Variants in RARG observed in about 807,000 individuals in gnomAD.
RARG encodes retinoic acid receptor gamma.
Under a neutral mutation model 43.7 loss-of-function variants are expected in RARG, and 17 were observed. That is an observed-to-expected ratio of 0.39 (90% CI 0.27 to 0.58). RARG has a LOEUF of 0.58. RARG is among the 20% of genes least tolerant of loss of function. The probability of loss-of-function intolerance (pLI) is 0.57; values close to 1 mark genes in which losing one functional copy is unlikely to be tolerated. For synonymous variants in RARG, 238 were observed against 236.4 expected, an observed-to-expected ratio of 1.01 and a Z score of -0.06; for missense variants, 346 against 598.7, an observed-to-expected ratio of 0.58 and a Z score of 4.40.
chr12:53,229,937 A>G (rs1434409666), intron 2 of RARG: 4 of 972,746 alleles, frequency 4.1e-6, no homozygotes, highest in Admixed American at 1.2e-4. Context: ...ATGTGAGCCA[A>G]TGAGAGTTGT....
intron 3 of RARG, among the ~76,000 whole-genome samples, chr12:53,221,205 G>C (rs948131214): frequency 1.8e-5 from 2 of 112,604 alleles, no homozygotes; most frequent in African/African-American, 3.4e-5. Flanking sequence ...CTCCTAGCCC[G>C]AGCAGTCCGC....
intron 6 of RARG, 79 bp downstream of exon 6, chr12:53,214,367 G>A: frequency 6.4e-7 from 1 of 1,560,166 alleles, no homozygotes; most frequent in Non-Finnish European, 8.8e-7. Context: ...ACCAGTCGAT[G>A]ATAGCCTCCA....
chr12:53,221,816 C>T (rs1334831657), intron 3 of RARG, among the ~76,000 whole-genome samples: 5 of 151,586 alleles, frequency 3.3e-5, no homozygotes, highest in Admixed American at 1.3e-4. Context: ...ACACGGGCAG[C>T]GCCGCGGAGC....
chr12:53,211,650 C>G lies in RARG; in HGVS notation c.*26G>C, dbSNP rs1249865363. The G allele has an allele frequency of 9.1e-6, 13 of 1,432,840 alleles. No individual in the cohort carries two copies. Among genetic ancestry groups the G allele is most frequent in the Non-Finnish European group, 1.2e-5 (13 of 1,092,996 alleles). The allele number at this position is 1,432,840 out of a possible 1,614,324, so 88.8% of individuals were successfully genotyped here. On this transcript the variant is annotated 3_prime_UTR_variant, in exon 10 of 10. Coordinates refer to ENST00000425354, the MANE Select transcript of RARG (RefSeq NM_000966.6). The surrounding 1 kb of genome is among the most constrained non-coding windows in gnomAD (Gnocchi z 4.6). ...GTCTGCTGCCTGAAGCCCCAACCCCCACAGCGGGGAGGTCAGGGGCCCTGG... is the reference window on the plus strand; with the variant it reads ...GTCTGCTGCCTGAAGCCCCAACCCCGACAGCGGGGAGGTCAGGGGCCCTGG...
At chr12:53,218,768 G>C (rs1942851507) in intron 3 of RARG, among the ~76,000 whole-genome samples, 1 of 151,718 alleles carries the variant, frequency 6.6e-6, no homozygotes, top group Non-Finnish European at 1.5e-5. Flanking sequence ...GTGACCTGGC[G>C]TGCGCACTCC....
intron 3 of RARG, among the ~76,000 whole-genome samples, chr12:53,225,581 G>A (rs955826639): frequency 5.9e-5 from 9 of 152,200 alleles, no homozygotes; most frequent in African/African-American, 9.7e-5. Context: ...CTCTGCGCTC[G>A]TGGAGCCATG....
chr12:53,213,475 C>CTG lies in RARG; in HGVS notation c.1018+20_1018+21insCA, dbSNP rs1942668921. 1.2e-6 allele frequency: 2 copies of CTG among 1,610,978 alleles called. No individual in the cohort carries two copies. The highest frequency in any genetic ancestry group is 2.2e-5 in the South Asian group (2 of 91,056). On this transcript the variant is annotated intron_variant, in intron 8 of 9. Coordinates refer to ENST00000425354, the MANE Select transcript of RARG (RefSeq NM_000966.6). The surrounding 1 kb of genome is among the most constrained non-coding windows in gnomAD (Gnocchi z 4.7). ...GAAAGGAGACTGAGCACTGAGCAGA[C>CTG]GCCAGGGGGCGCCCCCGCACCTCCG... is the stretch of plus-strand genomic sequence containing the variant.
rs1414764590 is a variant in RARG at position 53,231,211 on chromosome 12, G to C, written c.-185C>G. On this transcript the variant is annotated 5_prime_UTR_variant, in exon 2 of 10. Coordinates refer to ENST00000425354, the MANE Select transcript of RARG (RefSeq NM_000966.6). ...AGACTGGCTTCTACATACTGGGTCA[G>C]GTTGAGGGAACTGGGCCGTAGCTGC... 6.6e-6 allele frequency: 1 copy of C among 152,316 alleles called. No individual in the cohort carries two copies. Among genetic ancestry groups the C allele is most frequent in the Non-Finnish European group, 1.5e-5 (1 of 68,108 alleles). The allele number at this position is 152,316 out of a possible 1,614,324, so 9.4% of individuals were successfully genotyped here.
rs141642280 is a variant in RARG, at chr12:53,227,428, C to T, written c.118G>A (p.Glu40Lys). 13 of 1,609,234 alleles carry T rather than the reference C, an allele frequency of 8.1e-6. No homozygotes were observed. The highest frequency in any genetic ancestry group is 2.2e-5 in the South Asian group (2 of 90,164). ...PGALRGSPPF[E>K]MLSPSFRGLG... is the part of the protein sequence containing the mutation. Reference sequence around the variant, plus strand: ...CCCCGGAAGCTAGGGCTCAGCATCTCGAAAGGCGGAGACCCCCTGAGTGCC... The same window carrying T: ...CCCCGGAAGCTAGGGCTCAGCATCTTGAAAGGCGGAGACCCCCTGAGTGCC... Residue 40 changes from glutamate (E) to lysine (K), a missense_variant, in exon 3 of 10, where the codon GAG becomes AAG. Glu to Lys is a moderately conservative substitution (Grantham distance 56). Coordinates refer to ENST00000425354, the MANE Select transcript of RARG (RefSeq NM_000966.6). The surrounding 1 kb of genome is among the most constrained non-coding windows in gnomAD (Gnocchi z 4.3).
At chr12:53,223,474 G>C (rs1345870386) in intron 3 of RARG, among the ~76,000 whole-genome samples, 3 of 151,476 alleles carry the variant, frequency 2.0e-5, no homozygotes, top group African/African-American at 2.4e-5. Flanking sequence ...GGCCAGGAGA[G>C]GGGGGTGCAG....
At chr12:53,229,537 G>A (rs866308204) in intron 2 of RARG, among the ~76,000 whole-genome samples, 2 of 152,164 alleles carry the variant, frequency 1.3e-5, no homozygotes, top group South Asian at 4.1e-4. Flanking sequence ...CTTTAGCCCA[G>A]TGTCTTCGCA....
In RARG at chr12:53,214,591, C is replaced by T. The variant is rs199861731; in HGVS notation, c.491G>A (p.Arg164Gln). The change falls in exon 6 of 10, where the codon CGG (arginine) becomes CAG (glutamine). Residue 164 changes from arginine to glutamine, a missense_variant. By Grantham distance (43) the Arg-to-Gln change is conservative. Transcript: ENST00000425354. ...GMSKEAVRND[R>Q]NKKKKEVKEE... Reference sequence around the variant, plus strand: ...CTTCACCTCTTTCTTCTTCTTGTTCCGGTCATTTCGCACAGCTTGTGGGTG... The same window carrying T: ...CTTCACCTCTTTCTTCTTCTTGTTCTGGTCATTTCGCACAGCTTGTGGGTG... 30 of 1,604,704 alleles carry T rather than the reference C, an allele frequency of 1.9e-5. No homozygotes were observed. The Admixed American group carries it at 2.3e-4, about 13-fold the overall frequency.
rs1340651449 is a variant in RARG at position 53,213,355 on chromosome 12, A to G, written c.1019-112T>C. ...TGGGAAGCCTGTACAGGGTTTCAGAACTCTCTGGATGGGGCCAGGTGCAAG... is the reference window on the plus strand; with the variant it reads ...TGGGAAGCCTGTACAGGGTTTCAGAGCTCTCTGGATGGGGCCAGGTGCAAG... On this transcript the variant is annotated intron_variant, in intron 8 of 9. Coordinates refer to ENST00000425354, the MANE Select transcript of RARG (RefSeq NM_000966.6). The surrounding 1 kb of genome is among the most constrained non-coding windows in gnomAD (Gnocchi z 4.7). 2.7e-6 allele frequency: 4 copies of G among 1,482,240 alleles called. No individual in the cohort carries two copies. Among genetic ancestry groups the G allele is most frequent in the Non-Finnish European group, 3.7e-6 (4 of 1,075,530 alleles). 91.8% of individuals were successfully genotyped at this position (1,482,240 alleles called of 1,614,324 possible).
intron 5 of RARG, chr12:53,214,964 C>T (rs1942721170): frequency 9.6e-6 from 4 of 416,514 alleles, no homozygotes; most frequent in Non-Finnish European, 1.7e-5. Flanking sequence ...GGAGGAGCCA[C>T]CCCATATCCA....
intron 9 of RARG, among the ~76,000 whole-genome samples, chr12:53,212,733 TATATACAC>T (rs1238119323): frequency 1.5e-4 from 20 of 130,880 alleles, no homozygotes; most frequent in African/African-American, 4.3e-4. Context: ...TCTAAATATA[TATATACAC>T]ACACACACAC....
At chr12:53,230,098 G>A (rs1186545865) in intron 2 of RARG, 2 of 557,386 alleles carry the variant, frequency 3.6e-6, no homozygotes, top group South Asian at 7.9e-5. Flanking sequence ...TAGGAGAATG[G>A]ACTAAGGAAT....
chr12:53,213,221 G>A lies in RARG; in HGVS notation c.1041C>T (p.Pro347=), dbSNP rs545467606. 1.1e-5 allele frequency: 17 copies of A among 1,598,312 alleles called. No individual in the cohort carries two copies. The highest frequency in any genetic ancestry group is 1.7e-4 in the Middle Eastern group (1 of 6,046). The change falls in exon 9 of 10, where the codon CCC becomes CCT. Residue 347 remains proline, a synonymous_variant. Coordinates refer to ENST00000425354, the MANE Select transcript of RARG (RefSeq NM_000966.6). The surrounding 1 kb of genome is among the most constrained non-coding windows in gnomAD (Gnocchi z 4.7). ...ICGDRMDLEE[P]EKVDKLQEPL... is the part of the protein sequence containing the mutation. Reference sequence around the variant, plus strand: ...GCTCCTGCAGCTTGTCCACTTTTTCGGGCTCCTCCAGGTCCATGCGGTCTA... The same window carrying A: ...GCTCCTGCAGCTTGTCCACTTTTTCAGGCTCCTCCAGGTCCATGCGGTCTA...
chr12:53,213,415 G>C lies in RARG; in HGVS notation c.1018+81C>G. 2.0e-6 allele frequency: 3 copies of C among 1,533,578 alleles called. No homozygotes were observed. The highest frequency in any genetic ancestry group is 8.9e-7 in the Non-Finnish European group (1 of 1,117,952). 95.0% of individuals were successfully genotyped at this position (1,533,578 alleles called of 1,614,324 possible). ...CAGAAGAGACCACTGGGTCCTCCAC[G>C]CCCCCTCCCAGACAGATTCCGCATG... On this transcript the variant is annotated intron_variant, in intron 8 of 9. Transcript: ENST00000425354. This position sits in a 1 kb window ranked among gnomAD's most constrained non-coding sequence, Gnocchi z 4.7.
In RARG at chr12:53,220,100, T is replaced by C. The variant is rs775325592; in HGVS notation, c.185-4306A>G. On this transcript the variant is annotated intron_variant, in intron 3 of 9. Coordinates refer to ENST00000425354, the MANE Select transcript of RARG (RefSeq NM_000966.6). ...GCAAACGTTTCCATACAGTCGTACA[T>C]CGCGACCCGGCTTGAAGGGAAACTG... 8.4e-6 allele frequency: 13 copies of C among 1,549,830 alleles called. No individual in the cohort carries two copies. The South Asian group carries it at 1.5e-4, about 18-fold the overall frequency.
Sources: gnomAD v4.1 joint callset for allele counts (sites outside exome capture counted in the v4.1 genomes callset) on GRCh38, gnomAD v4.1.1 for gene constraint, Gnocchi (gnomAD v3.1) non-coding constraint, MANE v1.5 for transcripts, NCBI Gene and HGNC (gene_info 2026-07-23, HGNC 2026-07-21) for gene names.